The following ANKRD27 variants were observed in gnomAD, a reference collection of about 807,000 sequenced individuals.
ANKRD27 encodes ankyrin repeat domain-containing protein 27.
Under a neutral mutation model 129.7 loss-of-function variants are expected in ANKRD27, and 112 were observed. The ratio of observed to expected loss-of-function variants is 0.86; its 90% CI spans 0.74 to 1.01. The LOEUF is 1.01. Among genes scored for constraint, ANKRD27 ranks in the 50% least tolerant of loss-of-function variants. The pLI is 0.00. For missense variants in ANKRD27, 1,258 were observed against 1,300.5 expected, an observed-to-expected ratio of 0.97 and a Z score of 0.50; for synonymous variants, 516 against 511.2, an observed-to-expected ratio of 1.01 and a Z score of -0.13.
rs750007066 is a variant in ANKRD27, at chr19:32,617,627, T to C, written c.2014A>G (p.Lys672Glu). 3 of 753,908 alleles carry C rather than the reference T, an allele frequency of 4.0e-6. No individual in the cohort carries two copies. Among genetic ancestry groups the C allele is most frequent in the Non-Finnish European group, 4.9e-6 (2 of 407,892 alleles). The allele number at this position is 753,908 out of a possible 1,614,324, so 46.7% of individuals were successfully genotyped here. A position where few individuals can be genotyped will look rare whatever the true frequency, so the allele number is the denominator to read the frequency against. Residue 672 changes from lysine (K) to glutamate (E), a missense_variant, in exon 21 of 29, where the codon AAA (lysine) becomes GAA (glutamate). Physicochemically the swap from Lys to Glu is moderately conservative, Grantham distance 56 (BLOSUM62 1). Coordinates refer to ENST00000306065, the MANE Select transcript of ANKRD27 (RefSeq NM_032139.3). The part of the protein sequence containing the change: ...ETKKDYREVE[K>E]LLRAVADGDL... ...CCATCAGCAACTGCTCTCAAAAGTTTTTCTACCTTAATAAAAGGAACAAGA... is the reference window on the plus strand; with the variant it reads ...CCATCAGCAACTGCTCTCAAAAGTTCTTCTACCTTAATAAAAGGAACAAGA...
chr19:32,640,450 C>A (rs1967177476), intron 10 of ANKRD27, 65 bp from the exon 11 acceptor site: 2 of 1,343,560 alleles, frequency 1.5e-6, no homozygotes, highest in South Asian at 2.3e-5. Flanking sequence ...AGCATATCAA[C>A]TCCCTACCAC....
At chr19:32,604,104 C>A (rs1311998552) in intron 25 of ANKRD27, among the ~76,000 whole-genome samples, 159 bp downstream of exon 25, 1 of 152,216 alleles carries the variant, frequency 6.6e-6, no homozygotes, top group Non-Finnish European at 1.5e-5. Context: ...GAGGACCAGC[C>A]ATCTACCCAC....
intron 2 of ANKRD27, among the ~76,000 whole-genome samples, chr19:32,658,705 A>C (rs1232529064): frequency 6.6e-6 from 1 of 152,152 alleles, no homozygotes. Context: ...GAGTTCAGAG[A>C]AAGTATTACA....
chr19:32,629,528 T>C (rs1966952396), intron 13 of ANKRD27, among the ~76,000 whole-genome samples: 1 of 152,048 alleles, frequency 6.6e-6, no homozygotes, highest in South Asian at 2.1e-4. Flanking sequence ...GGTAAAACCT[T>C]GTCTCTACTA....
At chr19:32,622,804 A>C (rs1972034186) in intron 17 of ANKRD27, among the ~76,000 whole-genome samples, 185 bp from the exon 18 acceptor site, 1 of 150,330 alleles carries the variant, frequency 6.7e-6, no homozygotes, top group Non-Finnish European at 1.5e-5. Context: ...TTGAGACAGG[A>C]TCTCTCTCTG....
intron 26 of ANKRD27, chr19:32,600,273 C>T: frequency 2.5e-6 from 1 of 404,072 alleles, no homozygotes; most frequent in East Asian, 4.2e-5. Flanking sequence ...GGTGCAGTGG[C>T]TCATGCCTGT....
chr19:32,655,707 C>T (rs1347759012), intron 2 of ANKRD27, among the ~76,000 whole-genome samples: 1 of 151,896 alleles, frequency 6.6e-6, no homozygotes, highest in African/African-American at 2.4e-5. Context: ...AAATTGAGAA[C>T]GCCGTCTCTA....
intron 13 of ANKRD27, among the ~76,000 whole-genome samples, chr19:32,630,419 T>A (rs1966972654): frequency 6.6e-6 from 1 of 152,180 alleles, no homozygotes; most frequent in African/African-American, 2.4e-5. Context: ...CACCAGGAAG[T>A]CAGGCACCGT....
intron 28 of ANKRD27, among the ~76,000 whole-genome samples, chr19:32,599,293 A>T (rs963428205): frequency 3.3e-5 from 5 of 150,740 alleles, no homozygotes; most frequent in African/African-American, 9.7e-5. Flanking sequence ...ATAAATAAAT[A>T]AAAAAATGTA....
chr19:32,674,804 G>C (rs908423040), intron 1 of ANKRD27, among the ~76,000 whole-genome samples: 1 of 152,040 alleles, frequency 6.6e-6, no homozygotes, highest in African/African-American at 2.4e-5. Context: ...GCGAGGCTCG[G>C]AGGGTGCATT....
intron 2 of ANKRD27, among the ~76,000 whole-genome samples, chr19:32,654,074 G>C (rs1439520826): frequency 6.6e-6 from 1 of 152,110 alleles, no homozygotes; most frequent in African/African-American, 2.4e-5. Context: ...CTAATTTTTT[G>C]TATTTTTAGT....
At chr19:32,604,795 T>C (rs139703358) in intron 24 of ANKRD27, among the ~76,000 whole-genome samples, 4 of 152,298 alleles carry the variant, frequency 2.6e-5, no homozygotes, top group East Asian at 3.9e-4. Flanking sequence ...CAGTGGCCCA[T>C]GCCTATAATC....
chr19:32,630,548 T>C (rs938728477), intron 13 of ANKRD27, among the ~76,000 whole-genome samples: 6 of 152,186 alleles, frequency 3.9e-5, no homozygotes, highest in East Asian at 1.9e-4. Context: ...CTGGAGGAAT[T>C]AGTAGTATTG....
At chr19:32,633,121 C>T (rs961567598) in intron 12 of ANKRD27, among the ~76,000 whole-genome samples, 7 of 152,136 alleles carry the variant, frequency 4.6e-5, no homozygotes, top group African/African-American at 7.2e-5. Context: ...CTCTGGTTAA[C>T]GATTTAGACA....
In ANKRD27 at chr19:32,628,763, G is replaced by T; in HGVS notation, c.1296C>A (p.His432Gln). 1.9e-6 allele frequency: 3 copies of T among 1,614,176 alleles called. No individual in the cohort carries two copies. The highest frequency in any genetic ancestry group is 2.5e-6 in the Non-Finnish European group (3 of 1,180,030). ...HDKDTVQKMC[H>Q]PLCFCDDCEK... is the part of the protein sequence containing the mutation. Reference sequence around the variant, plus strand: ...CACAGTCATCGCAGAAGCAGAGAGGGTGACACATCTTTTGGACGGTATCTT... The same window carrying T: ...CACAGTCATCGCAGAAGCAGAGAGGTTGACACATCTTTTGGACGGTATCTT... Residue 432 changes from histidine (H) to glutamine (Q), a missense_variant, in exon 14 of 29, where the codon CAC (histidine) becomes CAA (glutamine). Physicochemically the swap from His to Gln is conservative, Grantham distance 24. Coordinates refer to ENST00000306065, the MANE Select transcript of ANKRD27 (RefSeq NM_032139.3).
intron 3 of ANKRD27, among the ~76,000 whole-genome samples, chr19:32,648,953 T>C (rs528359980): frequency 9.7e-5 from 14 of 143,996 alleles, no homozygotes; most frequent in Non-Finnish European, 1.9e-4. Context: ...AACAAAAAGA[T>C]TGTTTTTTGG....
chr19:32,627,809 G>C (rs370804949), intron 15 of ANKRD27, among the ~76,000 whole-genome samples: 1 of 152,258 alleles, frequency 6.6e-6, no homozygotes, highest in Non-Finnish European at 1.5e-5. Flanking sequence ...GCCTTCCCTT[G>C]CTGGGCCCCC....
rs751760120 is a variant in ANKRD27 at position 32,598,259 on chromosome 19, A to G, written c.3039T>C (p.Pro1013=). ...GTCTCCGCAGCATCCGTCTGTGTCC[A>G]GGGCCAGTCTGTGTCAGTCCAGGCC... ...PERPGLTQTG[P]GHRRMLRRHT... The change falls in exon 29 of 29, where the codon CCT becomes CCC. Residue 1013 remains proline, a synonymous_variant. Transcript: ENST00000306065. The G allele has an allele frequency of 1.1e-5, 17 of 1,614,046 alleles. No homozygotes were observed. Among genetic ancestry groups the G allele is most frequent in the African/African-American group, 1.3e-5 (1 of 74,914 alleles).
intron 1 of ANKRD27, among the ~76,000 whole-genome samples, chr19:32,663,247 C>T (rs992401072): frequency 3.3e-5 from 5 of 152,154 alleles, no homozygotes. Context: ...GCACAGCCAA[C>T]CCACCAGCAG....
Sources: gnomAD v4.1 joint callset for allele counts (sites outside exome capture counted in the v4.1 genomes callset) on GRCh38, gnomAD v4.1.1 for gene constraint, MANE v1.5 for transcripts, NCBI Gene and HGNC (gene_info 2026-07-23, HGNC 2026-07-21) for gene names.